SHISA9: variants seen among roughly 807,000 people sequenced by gnomAD.
SHISA9 encodes protein shisa-9.
A neutral mutation model predicts 38.0 loss-of-function variants in SHISA9; 13 were observed. The ratio of observed to expected loss-of-function variants is 0.34; its 90% CI spans 0.22 to 0.54. SHISA9 has a LOEUF of 0.54. Ranked by LOEUF, SHISA9 falls within the 20% of genes least tolerant of loss-of-function variation. The pLI is 0.91. For missense variants in SHISA9, 538 were observed against 575.8 expected (o/e 0.93, Z 0.67); for synonymous variants, 275 against 242.0 (o/e 1.14, Z -1.27).
the SHISA9 span, among the ~76,000 whole-genome samples, chr16:13,259,934 C>T: frequency 4.0e-5 from 6 of 151,536 alleles, no homozygotes; most frequent in East Asian, 1.2e-3. Context: ...CATTAGTCTC[C>T]ATGCTACTTA....
At chr16:13,487,423 G>T in the SHISA9 span, among the ~76,000 whole-genome samples, 1 of 152,320 alleles carries the variant, frequency 6.6e-6, no homozygotes, top group African/African-American at 2.4e-5. Context: ...AAAATGAAGA[G>T]GGAGCAGTTG....
intron 1 of SHISA9, chr16:12,908,468 C>G (rs2071133831): frequency 1.3e-6 from 2 of 1,551,992 alleles, no homozygotes; most frequent in Non-Finnish European, 1.7e-6. Context: ...TACCCTTCCC[C>G]CATGAGGTAG....
intron 2 of SHISA9, among the ~76,000 whole-genome samples, chr16:12,981,865 T>A (rs1221269327): frequency 1.3e-5 from 2 of 152,100 alleles, no homozygotes; most frequent in South Asian, 2.1e-4. Context: ...TGTGTGAAGA[T>A]AATGGAGAAA....
chr16:12,920,259 A>G (rs1208191140), intron 2 of SHISA9, among the ~76,000 whole-genome samples: 3 of 152,234 alleles, frequency 2.0e-5, no homozygotes, highest in Non-Finnish European at 2.9e-5. Flanking sequence ...AACATGGCAC[A>G]TGTATACATA....
chr16:13,411,874 A>T, the SHISA9 span, among the ~76,000 whole-genome samples: 1 of 152,166 alleles, frequency 6.6e-6, no homozygotes, highest in African/African-American at 2.4e-5. Flanking sequence ...GAGGAAGAAA[A>T]TTTACAGGAA....
the SHISA9 span, among the ~76,000 whole-genome samples, chr16:13,469,423 A>AAGAAAGAG: frequency 1.5e-3 from 175 of 115,910 alleles, 2 homozygotes; most frequent in Non-Finnish European, 2.1e-3. Context: ...GAAAGAAAGA[A>AAGAAAGAG]AAAGAAAGAA....
intron 2 of SHISA9, among the ~76,000 whole-genome samples, chr16:12,922,895 A>T (rs2071345625): frequency 6.6e-6 from 1 of 152,140 alleles, no homozygotes; most frequent in South Asian, 2.1e-4. Flanking sequence ...TTCTACTACA[A>T]TGTAAGCTGC....
the SHISA9 span, among the ~76,000 whole-genome samples, chr16:13,422,363 T>C: frequency 6.6e-6 from 1 of 152,190 alleles, no homozygotes; most frequent in Admixed American, 6.5e-5. Flanking sequence ...AACATTCACA[T>C]AGCCTGGAGA....
the SHISA9 span, among the ~76,000 whole-genome samples, chr16:13,422,311 T>C: frequency 6.6e-6 from 1 of 152,226 alleles, no homozygotes; most frequent in African/African-American, 2.4e-5. Flanking sequence ...AAAGTTATTT[T>C]TGAATACCTT....
chr16:13,560,802 G>A, the SHISA9 span, among the ~76,000 whole-genome samples: 9 of 150,366 alleles, frequency 6.0e-5, no homozygotes. Flanking sequence ...GCTATGTCAC[G>A]GCCATGTCAG....
At chr16:13,487,001 G>A in the SHISA9 span, among the ~76,000 whole-genome samples, 1 of 152,318 alleles carries the variant, frequency 6.6e-6, no homozygotes, top group Admixed American at 6.5e-5. Context: ...ACCGCACTCA[G>A]CCCACTTCTT....
At chr16:13,520,210 A>G in the SHISA9 span, among the ~76,000 whole-genome samples, 99 of 152,314 alleles carry the variant, frequency 6.5e-4, 1 homozygote, top group Admixed American at 5.9e-3. Context: ...CTTCTGCCCC[A>G]CTGCTAATTT....
At chr16:13,008,993 A>G (rs568068118) in intron 2 of SHISA9, among the ~76,000 whole-genome samples, 1 of 152,254 alleles carries the variant, frequency 6.6e-6, no homozygotes, top group African/African-American at 2.4e-5. Context: ...GTCTTTGTCA[A>G]TCAGGGGAGA....
intron 2 of SHISA9, among the ~76,000 whole-genome samples, chr16:13,069,296 C>T (rs375062611): frequency 2.3e-4 from 34 of 147,886 alleles, no homozygotes; most frequent in South Asian, 2.0e-3. Context: ...GCAATGTATG[C>T]GTGTGTATAT....
chr16:13,335,234 A>G, the SHISA9 span, among the ~76,000 whole-genome samples: 1 of 152,208 alleles, frequency 6.6e-6, no homozygotes. Context: ...CCCATAAATA[A>G]GAAGAGGATT....
At chr16:13,277,929 CTGGCTAAGA>C in the SHISA9 span, among the ~76,000 whole-genome samples, 1 of 151,970 alleles carries the variant, frequency 6.6e-6, no homozygotes, top group Admixed American at 6.6e-5. Flanking sequence ...TCTTAATGTT[CTGGCTAAGA>C]TGTCTACTAC....
At chr16:13,533,985 G>T in the SHISA9 span, among the ~76,000 whole-genome samples, 1 of 151,818 alleles carries the variant, frequency 6.6e-6, no homozygotes, top group Non-Finnish European at 1.5e-5. Flanking sequence ...GGGTTTCACC[G>T]TGTTAGCCAG....
intron 2 of SHISA9, among the ~76,000 whole-genome samples, chr16:13,037,120 AC>A (rs2073082606): frequency 6.9e-6 from 1 of 145,616 alleles, no homozygotes; most frequent in African/African-American, 2.6e-5. Context: ...ACACACACAC[AC>A]ACACACACAC....
intron 2 of SHISA9, among the ~76,000 whole-genome samples, chr16:13,159,783 T>C (rs2050579791): frequency 6.6e-6 from 1 of 152,202 alleles, no homozygotes; most frequent in Non-Finnish European, 1.5e-5. Flanking sequence ...TCCATGCCCT[T>C]GGGTGAAGCT....
Sources: gnomAD v4.1 joint callset for allele counts (sites outside exome capture counted in the v4.1 genomes callset) on GRCh38, gnomAD v4.1.1 for gene constraint, MANE v1.5 for transcripts, NCBI Gene and HGNC (gene_info 2026-07-23, HGNC 2026-07-21) for gene names.